ADGRL3: variants seen among roughly 807,000 people sequenced by gnomAD.
ADGRL3 encodes adhesion G protein-coupled receptor L3.
ADGRL3 carries 62 observed loss-of-function variants against 153.5 expected under a neutral mutation model. The ratio of observed to expected loss-of-function variants is 0.40; its 90% CI spans 0.33 to 0.50. The LOEUF (loss-of-function observed/expected upper bound fraction) is 0.50. Ranked by LOEUF, ADGRL3 falls within the 20% of genes least tolerant of loss-of-function variation. ADGRL3 has a pLI of 0.47. For missense variants in ADGRL3, 1,641 were observed against 1,859.4 expected (o/e 0.88, Z 2.16); for synonymous variants, 710 against 672.5 (o/e 1.06, Z -0.86).
intron 1 of ADGRL3, among the ~76,000 whole-genome samples, chr4:61,344,259 C>T (rs956375234): frequency 1.3e-5 from 2 of 152,022 alleles, no homozygotes; most frequent in Non-Finnish European, 2.9e-5. Context: ...AAAGTAGATA[C>T]ATTTTTTTTT....
At chr4:61,361,409 A>T (rs1474854934) in intron 1 of ADGRL3, among the ~76,000 whole-genome samples, 1 of 152,176 alleles carries the variant, frequency 6.6e-6, no homozygotes, top group Admixed American at 6.5e-5. Context: ...TTTTGAGTTG[A>T]GCCTTAAAGT....
rs534105270 is a variant in ADGRL3 at position 61,217,633 on chromosome 4, C to T, written c.-240+15868C>T. Among the ~76,000 whole-genome samples, 3 of 152,256 alleles carry T rather than the reference C, an allele frequency of 2.0e-5. No homozygotes were observed. In the East Asian group the frequency reaches 5.8e-4, roughly 29 times the overall value. ...CTCTCTGTTGACCATAAACGGTGGT[C>T]AGGCACTGAAGATTTGAGTTGAGCA... On this transcript the variant is annotated intron_variant, in intron 1 of 26. Transcript: ENST00000683033.
chr4:61,592,276 G>A (rs1358382990), intron 5 of ADGRL3, among the ~76,000 whole-genome samples: 2 of 152,062 alleles, frequency 1.3e-5, no homozygotes, highest in Non-Finnish European at 2.9e-5. Context: ...AGGGTACATA[G>A]CCTAGTAAGT....
chr4:61,697,088 A>C (rs1186072564), intron 6 of ADGRL3, among the ~76,000 whole-genome samples: 2 of 152,114 alleles, frequency 1.3e-5, no homozygotes, highest in African/African-American at 2.4e-5. Context: ...TTGATTAAAT[A>C]ATCAATTGAA....
intron 5 of ADGRL3, among the ~76,000 whole-genome samples, chr4:61,610,158 C>T (rs1351964326): frequency 7.8e-6 from 1 of 127,772 alleles, no homozygotes; most frequent in East Asian, 2.9e-4. Flanking sequence ...TATATATATA[C>T]TTCTTATAAA....
chr4:61,642,805 T>C (rs1318480635), intron 5 of ADGRL3, among the ~76,000 whole-genome samples: 5 of 152,144 alleles, frequency 3.3e-5, no homozygotes, highest in Non-Finnish European at 7.4e-5. Flanking sequence ...TTTAAAGTAG[T>C]TTTTTCCAAT....
chr4:61,566,411 G>A (rs548747663), intron 4 of ADGRL3, among the ~76,000 whole-genome samples: 3 of 152,190 alleles, frequency 2.0e-5, no homozygotes, highest in African/African-American at 7.2e-5. Flanking sequence ...TAAGTACTGG[G>A]GGTTGGGACT....
At chr4:61,490,565 A>C (rs1456920177) in intron 2 of ADGRL3, among the ~76,000 whole-genome samples, 1 of 152,122 alleles carries the variant, frequency 6.6e-6, no homozygotes, top group Non-Finnish European at 1.5e-5. Flanking sequence ...TGAATTTCCA[A>C]AGGGTGTTAG....
At chr4:61,402,610 G>A (rs919870847) in intron 2 of ADGRL3, among the ~76,000 whole-genome samples, 2 of 152,014 alleles carry the variant, frequency 1.3e-5, no homozygotes, top group South Asian at 2.1e-4. Context: ...CTTTCCCTTT[G>A]CATGCTTTGC....
At chr4:61,219,155 T>C (rs1744232637) in intron 1 of ADGRL3, among the ~76,000 whole-genome samples, 1 of 152,150 alleles carries the variant, frequency 6.6e-6, no homozygotes, top group African/African-American at 2.4e-5. Context: ...ATAGTACCCA[T>C]TTTGACTATA....
chr4:61,748,669 G>A (rs1355506202), intron 8 of ADGRL3, among the ~76,000 whole-genome samples: 4 of 152,126 alleles, frequency 2.6e-5, no homozygotes, highest in Admixed American at 2.0e-4. Context: ...GTAGAAAGCT[G>A]AAACTGGATC....
chr4:61,305,392 C>T (rs1299173839), intron 1 of ADGRL3, among the ~76,000 whole-genome samples: 1 of 151,960 alleles, frequency 6.6e-6, no homozygotes, highest in African/African-American at 2.4e-5. Flanking sequence ...GTTTAAAGTA[C>T]TAAAATAACT....
At chr4:61,503,758 T>C (rs1316747258) in intron 3 of ADGRL3, among the ~76,000 whole-genome samples, 1 of 152,172 alleles carries the variant, frequency 6.6e-6, no homozygotes, top group Non-Finnish European at 1.5e-5. Context: ...TATGAATACA[T>C]AATATTTGTA....
At chr4:61,211,338 T>C (rs1175167174) in intron 1 of ADGRL3, among the ~76,000 whole-genome samples, 5 of 152,158 alleles carry the variant, frequency 3.3e-5, no homozygotes, top group Non-Finnish European at 5.9e-5. Flanking sequence ...GTTTTCTTTT[T>C]CTCTGACTGC....
chr4:61,210,105 G>T (rs1739227388), intron 1 of ADGRL3, among the ~76,000 whole-genome samples: 1 of 152,262 alleles, frequency 6.6e-6, no homozygotes, highest in South Asian at 2.1e-4. Context: ...AATAAGAGAA[G>T]TTATTAAAAT....
At chr4:61,772,694 A>G (rs928660263) in intron 8 of ADGRL3, among the ~76,000 whole-genome samples, 1 of 152,154 alleles carries the variant, frequency 6.6e-6, no homozygotes, top group African/African-American at 2.4e-5. Context: ...CTTTGGAGAT[A>G]AAGATGCCCC....
intron 1 of ADGRL3, among the ~76,000 whole-genome samples, chr4:61,268,103 G>A (rs945031798): frequency 1.3e-5 from 2 of 151,400 alleles, no homozygotes; most frequent in East Asian, 1.9e-4. Context: ...TCTCAAACAC[G>A]GATTCAAGTT....
intron 23 of ADGRL3, among the ~76,000 whole-genome samples, chr4:62,034,177 G>T (rs1560532894): frequency 6.6e-6 from 1 of 151,702 alleles, no homozygotes; most frequent in African/African-American, 2.4e-5. Flanking sequence ...TCCGGAAACT[G>T]TGGCTCATGA....
intron 1 of ADGRL3, among the ~76,000 whole-genome samples, chr4:61,359,758 A>G (rs752349427): frequency 5.3e-5 from 8 of 152,152 alleles, no homozygotes; most frequent in South Asian, 2.1e-4. Flanking sequence ...AACTCCCCAA[A>G]GTTAGGGTTA....
Sources: allele counts gnomAD v4.1 joint callset (sites outside exome capture counted in the v4.1 genomes callset), GRCh38; gene constraint gnomAD v4.1.1; transcripts MANE v1.5; gene names NCBI Gene and HGNC (gene_info 2026-07-23, HGNC 2026-07-21).